Variants in POU2F2 observed in about 807,000 individuals in gnomAD.
POU2F2 encodes the protein POU domain, class 2, transcription factor 2.
A neutral mutation model predicts 63.5 loss-of-function variants in POU2F2; 14 were observed. The ratio of observed to expected loss-of-function variants is 0.22; its 90% CI spans 0.15 to 0.34. The LOEUF (loss-of-function observed/expected upper bound fraction) is 0.34. Ranked by LOEUF, POU2F2 falls within the 10% of genes least tolerant of loss-of-function variation. The pLI, the probability that POU2F2 is intolerant of heterozygous loss-of-function variation, is 1.00. For missense variants in POU2F2, 607 were observed against 815.2 expected (o/e 0.74, Z 3.11); for synonymous variants, 306 against 348.6 (o/e 0.88, Z 1.36).
At chr19:42,110,218 C>T (rs567829315) in intron 5 of POU2F2, among the ~76,000 whole-genome samples, 2 of 151,834 alleles carry the variant, frequency 1.3e-5, no homozygotes, top group East Asian at 3.9e-4. Flanking sequence ...GTTATGATGG[C>T]GCCACTGCAC....
intron 5 of POU2F2, chr19:42,116,870 AGGCGGAGGC>A: frequency 2.3e-6 from 1 of 440,186 alleles, no homozygotes; most frequent in South Asian, 1.6e-5. Context: ...GTAGAGGAGG[AGGCGGAGGC>A]GGCGGCGGCG....
upstream of POU2F2, among the ~76,000 whole-genome samples, chr19:42,133,180 C>G (rs1460909928): frequency 6.6e-6 from 1 of 152,150 alleles, no homozygotes. This position sits in a 1 kb window ranked among gnomAD's most constrained non-coding sequence, Gnocchi z 5.1. Context: ...GCACCAGGTC[C>G]CCGGGCTGCC....
chr19:42,133,626 TCACACACACACACGTGTG>T (rs1568406980), upstream of POU2F2: 1 of 154,152 alleles, frequency 6.5e-6, no homozygotes, highest in African/African-American at 2.4e-5. This position sits in a 1 kb window ranked among gnomAD's most constrained non-coding sequence, Gnocchi z 5.1. Context: ...CCCCAGCACT[TCACACACACACACGTGTG>T]CACACACACG....
At chr19:42,118,865 AT>A (rs1361033678) in intron 4 of POU2F2, among the ~76,000 whole-genome samples, 1 of 152,260 alleles carries the variant, frequency 6.6e-6, no homozygotes, top group East Asian at 1.9e-4. Flanking sequence ...CTTGGGCAAA[AT>A]GACACAGTGT....
Position 42,087,180 on chromosome 19 carries a change from T to C in POU2F2, c.*4077A>G, listed in dbSNP as rs1368624447. The C allele has an allele frequency of 6.6e-6, 1 of 151,870 alleles. No homozygotes were observed. The highest frequency in any genetic ancestry group is 1.5e-5 in the Non-Finnish European group (1 of 67,966). The allele number at this position is 151,870 out of a possible 1,614,324, so 9.4% of individuals were successfully genotyped here. On this transcript the variant is annotated 3_prime_UTR_variant, in exon 15 of 15. Coordinates refer to ENST00000692977, the MANE Select transcript of POU2F2 (RefSeq NM_001394376.1). ...AATGGTTAAATCTTTGGTTTGTTTC[T>C]TTTTTCTCTTGGAGGCCTTTATCTC...
In POU2F2 at chr19:42,087,027, C is replaced by A. The variant is rs2076570062; in HGVS notation, c.*4230G>T. On this transcript the variant is annotated 3_prime_UTR_variant, in exon 15 of 15. Coordinates refer to ENST00000692977, the MANE Select transcript of POU2F2 (RefSeq NM_001394376.1). ...GAGACTGCTGAGGTCAAAGTTTAAA[C>A]CGCATGAAGGACTTGCGGCTTGGAG... 1 of 151,992 alleles carries A rather than the reference C, an allele frequency of 6.6e-6. No homozygotes were observed. Among genetic ancestry groups the A allele is most frequent in the Non-Finnish European group, 1.5e-5 (1 of 67,998 alleles). 9.4% of individuals were successfully genotyped at this position (151,992 alleles called of 1,614,324 possible). A position where few individuals can be genotyped will look rare whatever the true frequency, so the allele number is the denominator to read the frequency against.
Position 42,086,119 on chromosome 19 carries a change from T to C in POU2F2, c.*5138A>G, listed in dbSNP as rs1599885109. 1 of 152,198 alleles carries C rather than the reference T, an allele frequency of 6.6e-6. No homozygotes were observed. Among genetic ancestry groups the C allele is most frequent in the Non-Finnish European group, 1.5e-5 (1 of 68,044 alleles). 9.4% of individuals were successfully genotyped at this position (152,198 alleles called of 1,614,324 possible). A position where few individuals can be genotyped will look rare whatever the true frequency, so the allele number is the denominator to read the frequency against. ...CAAGGGAGAGTAGGCATCATTTCTC[T>C]CTGTACAGTTTTTAATTTTTTATTT... On this transcript the variant is annotated 3_prime_UTR_variant, in exon 15 of 15. Coordinates refer to ENST00000692977, the MANE Select transcript of POU2F2 (RefSeq NM_001394376.1).
chr19:42,195,599 T>C (rs938335424), intron 1 of POU2F2, among the ~76,000 whole-genome samples: 2 of 151,858 alleles, frequency 1.3e-5, no homozygotes, highest in Non-Finnish European at 2.9e-5. Flanking sequence ...CTCAAAGTGC[T>C]AGGATTACAG....
At chr19:42,179,057 G>A (rs557455155), upstream of POU2F2, among the ~76,000 whole-genome samples, 11 of 152,206 alleles carry the variant, frequency 7.2e-5, no homozygotes, top group Middle Eastern at 3.4e-3. Context: ...GACAAATGGA[G>A]AGTCAGAAAT....
Position 42,096,108 on chromosome 19 carries a change from G to A in POU2F2, c.703C>T (p.Arg235Cys). 1.2e-6 allele frequency: 2 copies of A among 1,613,826 alleles called. No homozygotes were observed. The highest frequency in any genetic ancestry group is 1.7e-6 in the Non-Finnish European group (2 of 1,179,834). Residue 235 changes from arginine (R) to cysteine (C), a missense_variant, in exon 8 of 15, where the codon CGC (arginine) becomes TGC (cysteine). By Grantham distance (180) the Arg-to-Cys change is radical. This residue lies in a region of POU2F2 where 25 missense variants were observed against 92.3 expected (regional missense o/e 0.27). Transcript: ENST00000692977. This position sits in a 1 kb window ranked among gnomAD's most constrained non-coding sequence, Gnocchi z 4.1. ...LEQFARTFKQRRIKLGFTQGD... is the reference protein window; with the variant it reads ...LEQFARTFKQCRIKLGFTQGD... ...TGCGTGAAGCCCAGCTTGATGCGGC[G>A]TTGCTTGAAGGTGCGGGCGAATTGC...
At chr19:42,102,480 G>A (rs1487571338) in intron 5 of POU2F2, among the ~76,000 whole-genome samples, 2 of 152,074 alleles carry the variant, frequency 1.3e-5, no homozygotes, top group Non-Finnish European at 2.9e-5. Flanking sequence ...GACAGGGCCA[G>A]GCACAGTGGT....
At chr19:42,144,344 C>T (rs559310732) in intron 2 of POU2F2, among the ~76,000 whole-genome samples, 1 of 152,238 alleles carries the variant, frequency 6.6e-6, no homozygotes, top group Non-Finnish European at 1.5e-5. Context: ...GACCTCCACA[C>T]CCTGCAAAAG....
chr19:42,192,803 C>T lies in POU2F2; in HGVS notation c.-70+3580G>A, dbSNP rs147966262. The stretch of plus-strand genomic sequence containing the variant: ...ATCCATCAGATCAGCAAAATTAAAG[C>T]ATCTGACAACACATAGTATTGGTGA... On this transcript the variant is annotated intron_variant, in intron 1 of 5. Transcript: ENST00000532176. Among the ~76,000 whole-genome samples, 7 of 152,260 alleles carry T rather than the reference C, an allele frequency of 4.6e-5. No individual in the cohort carries two copies. The East Asian group carries it at 1.3e-3, about 29-fold the overall frequency.
At chr19:42,195,080 AGGGAGGAAGGGAGGAAGGAAGGG>A (rs1421477665) in intron 1 of POU2F2, among the ~76,000 whole-genome samples, 12 of 5,094 alleles carry the variant, frequency 2.4e-3, no homozygotes, top group Middle Eastern at 0.071. Flanking sequence ...GAAGGAAGGG[AGGGAGGAAGGGAGGAAGGAAGGG>A]AGGGAGGGAG....
rs1318597868 is a variant in POU2F2, at chr19:42,152,318, G to T, written c.-9+8014C>A. ...GAAGAAGAGGGGGAGAATAAGGCGG[G>T]CCTCTTTTGGAGGGGGTGGGATGGG... On this transcript the variant is annotated intron_variant, in intron 2 of 6. Transcript: ENST00000524801. This position sits in a 1 kb window ranked among gnomAD's most constrained non-coding sequence, Gnocchi z 4.1. Among the ~76,000 whole-genome samples, 1 of 152,142 alleles carries T rather than the reference G, an allele frequency of 6.6e-6. No individual in the cohort carries two copies. The highest frequency in any genetic ancestry group is 1.5e-5 in the Non-Finnish European group (1 of 68,010).
intron 4 of POU2F2, among the ~76,000 whole-genome samples, chr19:42,121,187 G>C (rs1223350111): frequency 1.3e-5 from 2 of 152,192 alleles, no homozygotes; most frequent in African/African-American, 4.8e-5. Context: ...TGAGGGCTAA[G>C]GCAATAGCCA....
chr19:42,184,594 C>G (rs2034994807), intron 1 of POU2F2, among the ~76,000 whole-genome samples: 1 of 152,166 alleles, frequency 6.6e-6, no homozygotes, highest in African/African-American at 2.4e-5. Flanking sequence ...AGAGGCCAGT[C>G]CAAGGCACTC....
chr19:42,095,518 G>A lies in POU2F2; in HGVS notation c.1020+27C>T. On this transcript the variant is annotated intron_variant, in intron 10 of 14. Transcript: ENST00000692977. This position sits in a 1 kb window ranked among gnomAD's most constrained non-coding sequence, Gnocchi z 7.1. ...CCACCGCCCGCCACCCCTCAGGTGA[G>A]GGCCACCCAGGAGAGGGGGGCCTCA... 6.2e-7 allele frequency: 1 copy of A among 1,601,802 alleles called. No individual in the cohort carries two copies. The highest frequency in any genetic ancestry group is 1.1e-5 in the South Asian group (1 of 90,004).
chr19:42,138,586 G>A (rs762460874), intron 2 of POU2F2, among the ~76,000 whole-genome samples: 4 of 152,096 alleles, frequency 2.6e-5, no homozygotes, highest in Non-Finnish European at 5.9e-5. Flanking sequence ...TGTGGGGACC[G>A]GCTGGTAGCA....
Sources: allele counts gnomAD v4.1 joint callset (sites outside exome capture counted in the v4.1 genomes callset), GRCh38; gene constraint gnomAD v4.1.1; regional missense constraint gnomAD v4.1.1; non-coding constraint Gnocchi (gnomAD v3.1); transcripts MANE v1.5; gene names NCBI Gene and HGNC (gene_info 2026-07-23, HGNC 2026-07-21).